RANBP17: variants seen among roughly 807,000 people sequenced by gnomAD.
RANBP17 encodes the protein RAN binding protein 17, also known as ran-binding protein 17.
In RANBP17, 158 loss-of-function variants were observed where a neutral mutation model predicts 141.2. The ratio of observed to expected loss-of-function variants is 1.12; its 90% CI spans 0.98 to 1.28. The LOEUF is 1.28. Among genes scored for constraint, RANBP17 ranks in the 50% most tolerant of loss-of-function variants. The pLI is 0.00. For missense variants in RANBP17, 1,438 were observed against 1,290.7 expected, an observed-to-expected ratio of 1.11 and a Z score of -1.75; for synonymous variants, 430 against 450.0, an observed-to-expected ratio of 0.96 and a Z score of 0.56.
intron 16 of RANBP17, among the ~76,000 whole-genome samples, chr5:171,176,988 C>T (rs1015348499): frequency 6.6e-6 from 1 of 152,102 alleles, no homozygotes; most frequent in African/African-American, 2.4e-5. Context: ...TAGCAATAAA[C>T]AGTAATATTT....
intron 9 of RANBP17, among the ~76,000 whole-genome samples, chr5:170,916,978 A>G (rs139132781): frequency 0.013 from 1,916 of 152,240 alleles, 24 homozygotes; most frequent in Non-Finnish European, 0.019. Flanking sequence ...GGCCTCCCAA[A>G]GTGCTGGGAT....
At chr5:171,185,680 T>G (rs1450460341) in intron 18 of RANBP17, among the ~76,000 whole-genome samples, 1 of 152,220 alleles carries the variant, frequency 6.6e-6, no homozygotes, top group South Asian at 2.1e-4. Context: ...ATTATAGGTC[T>G]CTTGCTATTT....
chr5:170,913,684 G>A (rs761904424), intron 7 of RANBP17, among the ~76,000 whole-genome samples: 17 of 151,992 alleles, frequency 1.1e-4, no homozygotes, highest in Admixed American at 1.1e-3. Flanking sequence ...CAGCTAAAGC[G>A]TTACACACTG....
chr5:170,911,375 A>G, intron 7 of RANBP17: 2 of 576,214 alleles, frequency 3.5e-6, no homozygotes. Flanking sequence ...AGCTAAATGG[A>G]GAGCAGATTT....
intron 14 of RANBP17, among the ~76,000 whole-genome samples, chr5:171,088,311 A>G (rs1785863593): frequency 1.3e-5 from 2 of 152,150 alleles, no homozygotes; most frequent in African/African-American, 4.8e-5. Flanking sequence ...TCTGGCTTAT[A>G]GGGTTTCTGC....
chr5:170,923,511 C>A (rs1345843247), intron 11 of RANBP17, among the ~76,000 whole-genome samples: 1 of 152,102 alleles, frequency 6.6e-6, no homozygotes, highest in Non-Finnish European at 1.5e-5. Flanking sequence ...GAATCAGTTT[C>A]TTAGTTTCTA....
intron 14 of RANBP17, among the ~76,000 whole-genome samples, chr5:170,999,479 A>G (rs1015992267): frequency 6.6e-6 from 1 of 152,174 alleles, no homozygotes; most frequent in African/African-American, 2.4e-5. Context: ...GTGAAGCTGT[A>G]CCTATAATGC....
rs1772140020 is a variant in RANBP17 at position 170,918,348 on chromosome 5, A to C, written c.955-365A>C. On this transcript the variant is annotated intron_variant, in intron 9 of 27. Coordinates refer to ENST00000523189, the MANE Select transcript of RANBP17 (RefSeq NM_022897.5). ...TGAGTATTGTTCTTTCCTAGAGTTT[A>C]CTTTTAATCTTAAGTATTTTCCAGG... 1.9e-5 allele frequency: 3 copies of C among 154,448 alleles called. No individual in the cohort carries two copies. The South Asian group carries it at 6.2e-4, about 32-fold the overall frequency. 9.6% of individuals were successfully genotyped at this position (154,448 alleles called of 1,614,324 possible).
chr5:171,253,909 C>G (rs1765725785), intron 24 of RANBP17, among the ~76,000 whole-genome samples: 1 of 152,098 alleles, frequency 6.6e-6, no homozygotes, highest in Non-Finnish European at 1.5e-5. Context: ...GTTTCTAAAT[C>G]AGTTATTTTC....
intron 14 of RANBP17, among the ~76,000 whole-genome samples, chr5:171,022,333 G>T (rs189554626): frequency 1.3e-5 from 2 of 152,216 alleles, no homozygotes; most frequent in Non-Finnish European, 2.9e-5. Context: ...GGTGGGGTGT[G>T]CTTCACTGGG....
In RANBP17 at chr5:171,123,942, T is replaced by C. The variant is rs545094339; in HGVS notation, c.1711-46188T>C. Reference sequence around the variant, plus strand: ...AGCAACTTACCAAGATGCAGAGATATCAACATAAGGACATGAGAAACATGA... The same window carrying C: ...AGCAACTTACCAAGATGCAGAGATACCAACATAAGGACATGAGAAACATGA... On this transcript the variant is annotated intron_variant, in intron 14 of 27. Transcript: ENST00000523189. Among the ~76,000 whole-genome samples, 4 of 152,056 alleles carry C rather than the reference T, an allele frequency of 2.6e-5. No homozygotes were observed. In the East Asian group the frequency reaches 7.8e-4, roughly 29 times the overall value.
In RANBP17 at chr5:171,242,713, C is replaced by G. The variant is rs777963635; in HGVS notation, c.2669C>G (p.Pro890Arg). Residue 890 changes from proline (P) to arginine (R), a missense_variant, in exon 24 of 28, where the codon CCA (proline) becomes CGA (arginine). Pro to Arg is a moderately radical substitution (Grantham distance 103, BLOSUM62 -2). Coordinates refer to ENST00000523189, the MANE Select transcript of RANBP17 (RefSeq NM_022897.5). ...CGGAAACTGAGCCAGTCTTATTATCCACTCCTGGAATGTCTCACTCAGGAC... is the reference window on the plus strand; with the variant it reads ...CGGAAACTGAGCCAGTCTTATTATCGACTCCTGGAATGTCTCACTCAGGAC... ...QYRKLSQSYY[P>R]LLECLTQDHM... 1.4e-5 allele frequency: 22 copies of G among 1,613,454 alleles called. No individual in the cohort carries two copies. In the Admixed American group the frequency reaches 3.5e-4, roughly 26 times the overall value.
At chr5:171,269,034 T>A (rs951295742) in intron 25 of RANBP17, among the ~76,000 whole-genome samples, 4 of 152,196 alleles carry the variant, frequency 2.6e-5, no homozygotes, top group African/African-American at 4.8e-5. Flanking sequence ...TTATTAACAG[T>A]GGAATACTTT....
chr5:170,982,511 C>T (rs1777845083), intron 14 of RANBP17, among the ~76,000 whole-genome samples: 1 of 152,068 alleles, frequency 6.6e-6, no homozygotes, highest in Admixed American at 6.6e-5. Flanking sequence ...GGAATTAAGA[C>T]ATGATAGAAG....
At chr5:171,019,845 A>C (rs747889751) in intron 14 of RANBP17, among the ~76,000 whole-genome samples, 3 of 151,894 alleles carry the variant, frequency 2.0e-5, no homozygotes, top group Non-Finnish European at 2.9e-5. Flanking sequence ...TTTCCTCTCT[A>C]GCTGTTTTAA....
At chr5:170,977,532 CA>C in intron 14 of RANBP17, among the ~76,000 whole-genome samples, 1 of 152,134 alleles carries the variant, frequency 6.6e-6, no homozygotes, top group South Asian at 2.1e-4. Flanking sequence ...TCTACATAAA[CA>C]TTTGCACACA....
chr5:171,274,201 A>G (rs1767354799), intron 25 of RANBP17, among the ~76,000 whole-genome samples: 1 of 151,834 alleles, frequency 6.6e-6, no homozygotes, highest in South Asian at 2.1e-4. Context: ...AAAATAAAAT[A>G]AGAGGTCTGG....
At chr5:171,058,635 T>G (rs1581517642) in intron 14 of RANBP17, among the ~76,000 whole-genome samples, 1 of 150,750 alleles carries the variant, frequency 6.6e-6, no homozygotes, top group East Asian at 1.9e-4. Context: ...TGTGCATGTG[T>G]CTTTATAGCA....
intron 20 of RANBP17, among the ~76,000 whole-genome samples, chr5:171,210,708 A>G (rs78868212): frequency 6.6e-6 from 1 of 152,274 alleles, no homozygotes; most frequent in Non-Finnish European, 1.5e-5. Flanking sequence ...CCCCAAGATT[A>G]AAAGCTATAT....
Sources: gnomAD v4.1 joint callset for allele counts (sites outside exome capture counted in the v4.1 genomes callset) on GRCh38, gnomAD v4.1.1 for gene constraint, MANE v1.5 for transcripts, NCBI Gene and HGNC (gene_info 2026-07-23, HGNC 2026-07-21) for gene names.